Variants in GADL1 observed in about 807,000 individuals in gnomAD.
GADL1 encodes the protein acidic amino acid decarboxylase GADL1.
In GADL1, 71 loss-of-function variants were observed where a neutral mutation model predicts 69.5. That is an observed-to-expected ratio of 1.02 (90% CI 0.84 to 1.25). The LOEUF (loss-of-function observed/expected upper bound fraction) is 1.25, where lower values mean the gene tolerates loss of function less well. Ranked by LOEUF, GADL1 falls within the 50% of genes most tolerant of loss-of-function variation. GADL1 has a pLI of 0.00. For synonymous variants in GADL1, 254 were observed against 214.4 expected, an observed-to-expected ratio of 1.18 and a Z score of -1.62; for missense variants, 737 against 631.8, an observed-to-expected ratio of 1.17 and a Z score of -1.79.
chr3:30,889,274 G>A (rs986313422), intron 1 of GADL1, among the ~76,000 whole-genome samples: 3 of 152,020 alleles, frequency 2.0e-5, no homozygotes, highest in African/African-American at 7.2e-5. Context: ...CCCATGATGT[G>A]TGGATTATGG....
chr3:30,774,036 T>G (rs548581613), intron 14 of GADL1, among the ~76,000 whole-genome samples: 6 of 152,312 alleles, frequency 3.9e-5, no homozygotes, highest in Admixed American at 2.0e-4. Context: ...GAGCTTTGGA[T>G]GCCAAAGAGA....
chr3:30,787,360 A>C (rs1375780686), intron 12 of GADL1, among the ~76,000 whole-genome samples: 1 of 152,192 alleles, frequency 6.6e-6, no homozygotes, highest in East Asian at 1.9e-4. Context: ...AACAACATTG[A>C]GAACATGGTG....
chr3:30,787,184 T>A (rs150369125), intron 12 of GADL1, among the ~76,000 whole-genome samples: 2 of 151,560 alleles, frequency 1.3e-5, no homozygotes, highest in Admixed American at 1.3e-4. Flanking sequence ...ACCCCAAAAC[T>A]TAAAAAATAC....
At chr3:30,838,643 C>T (rs145388002) in intron 9 of GADL1, among the ~76,000 whole-genome samples, 3 of 152,086 alleles carry the variant, frequency 2.0e-5, no homozygotes, top group Admixed American at 6.6e-5. Flanking sequence ...AGGCTAAGAT[C>T]GCAATGAAGA....
intron 14 of GADL1, among the ~76,000 whole-genome samples, chr3:30,754,632 CAAA>C (rs11324385): frequency 4.0e-5 from 6 of 149,572 alleles, no homozygotes; most frequent in African/African-American, 1.2e-4. Context: ...GCCAAGAATA[CAAA>C]AAAAAAACTG....
chr3:30,861,145 G>A (rs945713743), intron 2 of GADL1, among the ~76,000 whole-genome samples: 1 of 151,864 alleles, frequency 6.6e-6, no homozygotes, highest in Non-Finnish European at 1.5e-5. Flanking sequence ...TCTTCATAAG[G>A]ACCTTAAGAT....
At chr3:30,741,429 T>G (rs1321159941) in intron 14 of GADL1, among the ~76,000 whole-genome samples, 1 of 151,964 alleles carries the variant, frequency 6.6e-6, no homozygotes, top group Non-Finnish European at 1.5e-5. Flanking sequence ...CTTTCCCCAG[T>G]GTGTATTGGA....
At chr3:30,862,514 T>C (rs1698336030) in intron 1 of GADL1, among the ~76,000 whole-genome samples, 1 of 152,030 alleles carries the variant, frequency 6.6e-6, no homozygotes, top group Admixed American at 6.6e-5. Context: ...CAAAGTCCTT[T>C]AGCATTTCTG....
At chr3:30,732,137 G>A (rs778307499) in intron 14 of GADL1, among the ~76,000 whole-genome samples, 1 of 152,134 alleles carries the variant, frequency 6.6e-6, no homozygotes, top group Non-Finnish European at 1.5e-5. Flanking sequence ...CCAATGCTAG[G>A]TAATTTGGAT....
chr3:30,884,693 C>T (rs998588656), intron 1 of GADL1, among the ~76,000 whole-genome samples: 1 of 151,954 alleles, frequency 6.6e-6, no homozygotes, highest in Non-Finnish European at 1.5e-5. Flanking sequence ...TTATACATTG[C>T]ATTTGTTATT....
intron 14 of GADL1, among the ~76,000 whole-genome samples, chr3:30,754,641 A>C (rs1158565272): frequency 6.6e-6 from 1 of 152,076 alleles, no homozygotes; most frequent in Non-Finnish European, 1.5e-5. Context: ...ACAAAAAAAA[A>C]ACTGCCTGTG....
intron 8 of GADL1, among the ~76,000 whole-genome samples, 195 bp downstream of exon 8, chr3:30,844,015 C>A (rs1698012361): frequency 6.6e-6 from 1 of 152,204 alleles, no homozygotes; most frequent in Non-Finnish European, 1.5e-5. Flanking sequence ...ACATGGAGAG[C>A]CAAGCACTTG....
At chr3:30,783,388 A>G (rs1426409937) in intron 13 of GADL1, among the ~76,000 whole-genome samples, 1 of 152,240 alleles carries the variant, frequency 6.6e-6, no homozygotes, top group African/African-American at 2.4e-5. Context: ...CACTTAAAAT[A>G]ATACATTTCT....
At chr3:30,828,773 G>A (rs1006463927) in intron 11 of GADL1, among the ~76,000 whole-genome samples, 5 of 151,890 alleles carry the variant, frequency 3.3e-5, no homozygotes, top group African/African-American at 9.7e-5. Context: ...ACGTATGCAT[G>A]TACACACATA....
At chr3:30,825,771 C>T (rs1697671365) in intron 11 of GADL1, among the ~76,000 whole-genome samples, 1 of 151,782 alleles carries the variant, frequency 6.6e-6, no homozygotes, top group South Asian at 2.1e-4. Flanking sequence ...AGGGCCTGTC[C>T]TCAGGTGGGG....
At chr3:30,751,717 TC>T (rs1695823824) in intron 14 of GADL1, among the ~76,000 whole-genome samples, 2 of 152,138 alleles carry the variant, frequency 1.3e-5, no homozygotes, top group African/African-American at 4.8e-5. Context: ...GACACGGAGA[TC>T]TATGCACTGA....
intron 6 of GADL1, among the ~76,000 whole-genome samples, chr3:30,846,507 G>C (rs1482413004): frequency 6.6e-6 from 1 of 151,734 alleles, no homozygotes; most frequent in African/African-American, 2.4e-5. Flanking sequence ...CTGGACTCCA[G>C]TGCTGACTAA....
Position 30,786,342 on chromosome 3 carries a change from T to G in GADL1, c.1302+13A>C. 2.0e-6 allele frequency: 3 copies of G among 1,518,644 alleles called. No homozygotes were observed. Among genetic ancestry groups the G allele is most frequent in the Non-Finnish European group, 2.7e-6 (3 of 1,094,394 alleles). The allele number at this position is 1,518,644 out of a possible 1,614,324, so 94.1% of individuals were successfully genotyped here. ...ACTGACAAAATCACAAGCACAATTA[T>G]GCAATCACTTACTTCCATCAGTAAC... is the stretch of plus-strand genomic sequence containing the variant. On this transcript the variant is annotated intron_variant, in intron 13 of 14. Coordinates refer to ENST00000282538, the MANE Select transcript of GADL1 (RefSeq NM_207359.3).
intron 12 of GADL1, among the ~76,000 whole-genome samples, chr3:30,789,169 T>TACTCCTTGATCCATGAGCTGTA (rs1696861329): frequency 6.6e-6 from 1 of 152,228 alleles, no homozygotes; most frequent in Admixed American, 6.5e-5. Context: ...AAGTCTAAAT[T>TACTCCTTGATCCATGAGCTGTA]ACTCCTTGAT....
Sources: gnomAD v4.1 joint callset for allele counts (sites outside exome capture counted in the v4.1 genomes callset) on GRCh38, gnomAD v4.1.1 for gene constraint, MANE v1.5 for transcripts, NCBI Gene and HGNC (gene_info 2026-07-23, HGNC 2026-07-21) for gene names.